AKAP8: variants seen among roughly 807,000 people sequenced by gnomAD.
AKAP8 encodes the protein A-kinase anchoring protein 8, also known as A-kinase anchor protein 8.
Under a neutral mutation model 67.5 loss-of-function variants are expected in AKAP8, and 24 were observed. That is an observed-to-expected ratio of 0.36 (90% confidence interval 0.26 to 0.50). The LOEUF is 0.50. Among genes scored for constraint, AKAP8 ranks in the 20% least tolerant of loss-of-function variants. AKAP8 has a pLI of 0.97. For missense variants in AKAP8, 971 were observed against 955.9 expected (o/e 1.02, Z -0.21); for synonymous variants, 400 against 371.1 (o/e 1.08, Z -0.90).
intron 2 of AKAP8, among the ~76,000 whole-genome samples, chr19:15,375,388 C>G (rs1163804313): frequency 2.0e-5 from 3 of 152,190 alleles, no homozygotes; most frequent in Non-Finnish European, 4.4e-5. Flanking sequence ...TACCAGCACA[C>G]TGCCCGTAGC....
At chr19:15,361,668 G>T (rs751017672) in intron 11 of AKAP8, 61 bp downstream of exon 11, 1 of 1,475,622 alleles carries the variant, frequency 6.8e-7, no homozygotes, top group Non-Finnish European at 9.5e-7. Flanking sequence ...CACGTTTTAC[G>T]GGTCCTGTCA....
chr19:15,356,520 T>C (rs1229831350), intron 13 of AKAP8, among the ~76,000 whole-genome samples: 1 of 152,076 alleles, frequency 6.6e-6, no homozygotes, highest in Non-Finnish European at 1.5e-5. Flanking sequence ...TCCCAGCACT[T>C]TGGGAGGCTG....
chr19:15,365,488 T>C (rs1967053425), intron 9 of AKAP8, among the ~76,000 whole-genome samples: 1 of 152,140 alleles, frequency 6.6e-6, no homozygotes, highest in African/African-American at 2.4e-5. Flanking sequence ...CCCCTTCTGG[T>C]GTAGGGGTGC....
intron 13 of AKAP8, among the ~76,000 whole-genome samples, 175 bp from the exon 14 acceptor site, chr19:15,355,545 G>A (rs959236077): frequency 3.5e-5 from 5 of 141,612 alleles, no homozygotes; most frequent in Admixed American, 1.5e-4. Context: ...AAAACACCTC[G>A]GGGAGATATT....
chr19:15,378,442 TA>T (rs543309353), intron 1 of AKAP8, among the ~76,000 whole-genome samples: 2 of 150,290 alleles, frequency 1.3e-5, no homozygotes, highest in Non-Finnish European at 1.5e-5. Flanking sequence ...GAAGAGGGGG[TA>T]AAAAAAACCT....
At position 15,379,720 on chromosome 19, in the gene AKAP8, G is replaced by T; in HGVS notation, c.12C>A (p.Gly4=). The T allele has an allele frequency of 2.5e-6, 4 of 1,611,766 alleles. No individual in the cohort carries two copies. Among genetic ancestry groups the T allele is most frequent in the Non-Finnish European group, 3.4e-6 (4 of 1,179,174 alleles). ...CCAGCAGCCAACACAAACCTCCGTA[G>T]CCCTGGTCCATGTCTTCGACGCGGC... The part of the protein sequence containing the change: MDQ[G]YGGYGAWSAG... The change falls in exon 1 of 14, where the codon GGC becomes GGA. Residue 4 remains glycine (G), a synonymous_variant. Transcript: ENST00000269701.
Position 15,370,173 on chromosome 19 carries a change from C to T in AKAP8, c.1045G>A (p.Glu349Lys). 7 of 1,614,128 alleles carry T rather than the reference C, an allele frequency of 4.3e-6. No individual in the cohort carries two copies. Among genetic ancestry groups the T allele is most frequent in the Non-Finnish European group, 5.9e-6 (7 of 1,180,010 alleles). ...CTTTGCCTCCCAGAGTCGCAGAGTT[C>T]ATCCTCCTGGAAAAGAGTATACACA... Reference protein sequence around the residue: ...SGDEEFKGEDELCDSGRQRGE... With the variant: ...SGDEEFKGEDKLCDSGRQRGE... The change falls in exon 8 of 14, where the codon GAA (glutamate) becomes AAA (lysine). Residue 349 changes from glutamate to lysine, a missense_variant. By Grantham distance (56) the Glu-to-Lys change is moderately conservative. Around this residue, in one of 3 missense-constraint regions of AKAP8, gnomAD observed 763 missense variants for 745.4 expected, o/e 1.02. Transcript: ENST00000269701.
intron 1 of AKAP8, 176 bp downstream of exon 1, chr19:15,379,537 G>A (rs961025307): frequency 1.6e-6 from 1 of 613,838 alleles, no homozygotes; most frequent in African/African-American, 2.0e-5. Context: ...AGCCCCGGGA[G>A]CGACGGCGCC....
intron 13 of AKAP8, among the ~76,000 whole-genome samples, chr19:15,355,680 C>G (rs1344377756): frequency 1.3e-5 from 2 of 152,010 alleles, no homozygotes; most frequent in Non-Finnish European, 2.9e-5. Context: ...TTTCCACCCA[C>G]CTCAGCCTCC....
Position 15,363,679 on chromosome 19 carries a change from G to A in AKAP8, c.1161-1428C>T, listed in dbSNP as rs1158208520. On this transcript the variant is annotated intron_variant, in intron 9 of 13. Coordinates refer to ENST00000269701, the MANE Select transcript of AKAP8 (RefSeq NM_005858.4). Reference sequence around the variant, plus strand: ...GTGTACCCAACAGCTCATTGAGAACGGGCCATGATGACAATGGCGGTTTTG... The same window carrying A: ...GTGTACCCAACAGCTCATTGAGAACAGGCCATGATGACAATGGCGGTTTTG... Among the ~76,000 whole-genome samples the A allele has an allele frequency of 5.9e-5, 9 of 152,124 alleles. 1 individual carries two copies. Among genetic ancestry groups the A allele is most frequent in the South Asian group, 2.1e-4 (1 of 4,826 alleles).
In AKAP8 at chr19:15,367,856, G is replaced by A. The variant is rs564955658; in HGVS notation, c.1160+379C>T. On this transcript the variant is annotated intron_variant, in intron 9 of 13. Transcript: ENST00000269701. ...TGCCAGACACCAGGCTAGGGGGCAG[G>A]GATGCCCCTCAGGCCTGCAGGAGAG... 1.9e-4 allele frequency among the ~76,000 whole-genome samples: 29 copies of A among 152,338 alleles called. No homozygotes were observed. The East Asian group carries it at 5.6e-3, about 29-fold the overall frequency.
rs757801084 is a variant in AKAP8, at chr19:15,361,665, T to C, written c.1396+64A>G. The C allele has an allele frequency of 2.7e-6, 4 of 1,474,522 alleles. No homozygotes were observed. The African/African-American group carries it at 5.6e-5, about 21-fold the overall frequency. The allele number at this position is 1,474,522 out of a possible 1,614,324, so 91.3% of individuals were successfully genotyped here. On this transcript the variant is annotated intron_variant, in intron 11 of 13. Coordinates refer to ENST00000269701, the MANE Select transcript of AKAP8 (RefSeq NM_005858.4). ...CCGTGCCCGGCCTCGTGCCACGTTTTACGGGTCCTGTCACATGCCTTACTA... is the reference window on the plus strand; with the variant it reads ...CCGTGCCCGGCCTCGTGCCACGTTTCACGGGTCCTGTCACATGCCTTACTA...
chr19:15,358,645 G>A (rs1330625569), intron 13 of AKAP8, among the ~76,000 whole-genome samples: 1 of 151,978 alleles, frequency 6.6e-6, no homozygotes, highest in Admixed American at 6.6e-5. Flanking sequence ...CCCGAGTAGG[G>A]CTAGCCTTGG....
rs1299934965 is a variant in AKAP8 at position 15,363,422 on chromosome 19, G to A, written c.1161-1171C>T. On this transcript the variant is annotated intron_variant, in intron 9 of 13. Coordinates refer to ENST00000269701, the MANE Select transcript of AKAP8 (RefSeq NM_005858.4). ...AAGTGAGGGGCGCCTCTGCCCGGCCGCCCCTACTGGGAAGTGAGGAGCCCC... is the reference window on the plus strand; with the variant it reads ...AAGTGAGGGGCGCCTCTGCCCGGCCACCCCTACTGGGAAGTGAGGAGCCCC... Among the ~76,000 whole-genome samples, 136 of 139,158 alleles carry A rather than the reference G, an allele frequency of 9.8e-4. 2 individuals carry two copies. Among genetic ancestry groups the A allele is most frequent in the African/African-American group, 3.5e-3 (130 of 36,784 alleles). 91.3% of individuals were successfully genotyped at this position (139,158 alleles called of 152,430 possible).
chr19:15,365,579 C>T (rs151325310), intron 9 of AKAP8, among the ~76,000 whole-genome samples: 1 of 152,216 alleles, frequency 6.6e-6, no homozygotes, highest in Admixed American at 6.5e-5. Flanking sequence ...CATGAAGACA[C>T]CTCCGCTTCT....
At chr19:15,370,066 G>C in intron 8 of AKAP8, 80 bp downstream of exon 8, 1 of 1,567,448 alleles carries the variant, frequency 6.4e-7, no homozygotes, top group Non-Finnish European at 8.8e-7. Context: ...CCAGGCCCCT[G>C]GCTTGCTCAG....
Position 15,369,133 on chromosome 19 carries a change from C to T in AKAP8, c.1073-811G>A. The stretch of plus-strand genomic sequence containing the variant: ...CGGCGTGCGCTGCTCAGAAGCCTCT[C>T]AAAAGGGCGTGTGGGATTTTTGGCA... On this transcript the variant is annotated intron_variant, in intron 8 of 13. Transcript: ENST00000269701. The surrounding 1 kb of genome is among the most constrained non-coding windows in gnomAD (Gnocchi z 4.6). 5 of 985,454 alleles carry T rather than the reference C, an allele frequency of 5.1e-6. No individual in the cohort carries two copies. The highest frequency in any genetic ancestry group is 6.0e-6 in the Non-Finnish European group (5 of 829,962). 61.0% of individuals were successfully genotyped at this position (985,454 alleles called of 1,614,324 possible). A position where few individuals can be genotyped will look rare whatever the true frequency, so the allele number is the denominator to read the frequency against.
chr19:15,368,434 GCCTGCA>G, intron 8 of AKAP8, 112 bp from the exon 9 acceptor site: 1 of 1,584,114 alleles, frequency 6.3e-7, no homozygotes, highest in Non-Finnish European at 8.6e-7. Flanking sequence ...CCCTGCCACT[GCCTGCA>G]CCACGCGGCA....
At chr19:15,358,913 G>A (rs1966919767) in intron 13 of AKAP8, 54 bp downstream of exon 13, 1 of 1,529,028 alleles carries the variant, frequency 6.5e-7, no homozygotes, top group Non-Finnish European at 9.1e-7. Flanking sequence ...TGCTCCTGGG[G>A]TTCATCTTCC....
Sources: gnomAD v4.1 joint callset for allele counts (sites outside exome capture counted in the v4.1 genomes callset) on GRCh38, gnomAD v4.1.1 for gene constraint, gnomAD v4.1.1 regional missense constraint, Gnocchi (gnomAD v3.1) non-coding constraint, MANE v1.5 for transcripts, NCBI Gene and HGNC (gene_info 2026-07-23, HGNC 2026-07-21) for gene names.